WAPL: variants seen among roughly 807,000 people sequenced by gnomAD.
The protein encoded by WAPL is WAPL cohesin release factor.
Under a neutral mutation model 121.0 loss-of-function variants are expected in WAPL, and 5 were observed. The observed-to-expected ratio is 0.04, with a 90% CI of 0.02 to 0.09. The LOEUF (loss-of-function observed/expected upper bound fraction) is 0.09, where lower values mean the gene tolerates loss of function less well. Ranked by LOEUF, WAPL falls within the 10% of genes least tolerant of loss-of-function variation. The pLI is 1.00. For synonymous variants in WAPL, 480 were observed against 481.5 expected (o/e 1.00, Z 0.04); for missense variants, 999 against 1,410.8 (o/e 0.71, Z 4.68).
chr10:86,516,791 A>C (rs1190053388), intron 2 of WAPL, among the ~76,000 whole-genome samples: 1 of 152,162 alleles, frequency 6.6e-6, no homozygotes, highest in African/African-American at 2.4e-5. Context: ...TGTGGTTTAA[A>C]ATCTATCAAC....
At chr10:86,508,432 T>C (rs1303660526) in intron 2 of WAPL, among the ~76,000 whole-genome samples, 1 of 152,130 alleles carries the variant, frequency 6.6e-6, no homozygotes, top group Non-Finnish European at 1.5e-5. Context: ...CATTAAACCA[T>C]CTAGAATCCC....
In WAPL at chr10:86,450,586, C is replaced by G. The variant is rs1271945404; in HGVS notation, c.3114+1381G>C. On this transcript the variant is annotated intron_variant, in intron 15 of 18. Transcript: ENST00000298767. ...ATAAATGTTGTCAATGGGATCAAAG[C>G]GGTAGGTGCCAAACATTTTCAAATG... 2.0e-5 allele frequency among the ~76,000 whole-genome samples: 3 copies of G among 152,092 alleles called. No homozygotes were observed. In the East Asian group the frequency reaches 5.8e-4, roughly 29 times the overall value.
intron 4 of WAPL, among the ~76,000 whole-genome samples, chr10:86,486,592 T>C (rs1252284367): frequency 6.6e-6 from 1 of 152,136 alleles, no homozygotes; most frequent in African/African-American, 2.4e-5. Flanking sequence ...AAGTCCAGAA[T>C]GTTCCTTAAA....
At chr10:86,461,114 A>G (rs1043607974) in intron 10 of WAPL, 62 bp downstream of exon 10, 5 of 1,242,622 alleles carry the variant, frequency 4.0e-6, no homozygotes, top group African/African-American at 1.5e-5. Flanking sequence ...AAGTACGTCA[A>G]TGGAGTATTT....
intron 4 of WAPL, among the ~76,000 whole-genome samples, chr10:86,485,098 C>G (rs1329231559): frequency 2.0e-5 from 3 of 150,054 alleles, no homozygotes; most frequent in African/African-American, 2.5e-5. Context: ...CCCCTACCCC[C>G]CTCCTTCCCA....
At chr10:86,492,335 T>C (rs1021072058) in intron 4 of WAPL, among the ~76,000 whole-genome samples, 5 of 152,118 alleles carry the variant, frequency 3.3e-5, no homozygotes, top group Non-Finnish European at 5.9e-5. Context: ...GAGCAATAAA[T>C]GATGTAGGCA....
At chr10:86,493,524 T>C (rs1347766249) in intron 4 of WAPL, among the ~76,000 whole-genome samples, 1 of 152,016 alleles carries the variant, frequency 6.6e-6, no homozygotes, top group East Asian at 1.9e-4. Flanking sequence ...ATTTCAAATT[T>C]TCATTTATTT....
intron 4 of WAPL, among the ~76,000 whole-genome samples, chr10:86,474,529 A>AAC (rs397730624): frequency 6.6e-6 from 1 of 150,646 alleles, no homozygotes; most frequent in Non-Finnish European, 1.5e-5. Flanking sequence ...AAAAAAAAAA[A>AAC]GGTAAACCTC....
rs1372538603 is a variant in WAPL at position 86,436,715 on chromosome 10, T to C, written c.*828A>G. 1.3e-5 allele frequency: 2 copies of C among 152,654 alleles called. No homozygotes were observed. Among genetic ancestry groups the C allele is most frequent in the African/African-American group, 4.8e-5 (2 of 41,454 alleles). 9.5% of individuals were successfully genotyped at this position (152,654 alleles called of 1,614,324 possible). A position where few individuals can be genotyped will look rare whatever the true frequency, so the allele number is the denominator to read the frequency against. ...CTTTCCTCAAAATCTAATAATGTTT[T>C]AAGAGCCTCCCTAGCATTAAGTGTA... On this transcript the variant is annotated 3_prime_UTR_variant, in exon 19 of 19. Transcript: ENST00000298767.
At chr10:86,469,379 A>G (rs1204732026) in intron 8 of WAPL, among the ~76,000 whole-genome samples, 1 of 150,926 alleles carries the variant, frequency 6.6e-6, no homozygotes. Context: ...CAGCCTCCTG[A>G]GTGGCTGGGA....
rs573736711 is a variant in WAPL, at chr10:86,501,369, C to A, written c.500-626G>T. Among the ~76,000 whole-genome samples the A allele has an allele frequency of 3.3e-5, 5 of 152,292 alleles. No individual in the cohort carries two copies. In the South Asian group the frequency reaches 1.0e-3, roughly 32 times the overall value. On this transcript the variant is annotated intron_variant, in intron 2 of 18. Transcript: ENST00000298767. ...ATATCAGCCAGTAATAAATCCTCAG[C>A]CTGCCTATTCATCTGGTATGTGGAG... is the stretch of plus-strand genomic sequence containing the variant.
rs568798300 is a variant in WAPL, at chr10:86,513,228, C to G, written c.499+4343G>C. The stretch of plus-strand genomic sequence containing the variant: ...GGCCAGGCTGGTCTCGAACTCCTGA[C>G]CTCAAGCGATTCACCCGCCTCGGCC... On this transcript the variant is annotated intron_variant, in intron 2 of 18. Transcript: ENST00000298767. 1.3e-4 allele frequency among the ~76,000 whole-genome samples: 19 copies of G among 150,912 alleles called. 1 individual carries two copies. The South Asian group carries it at 2.5e-3, about 20-fold the overall frequency.
At chr10:86,453,913 C>T (rs537220607) in intron 12 of WAPL, 82 bp from the exon 13 acceptor site, 1 of 1,187,992 alleles carries the variant, frequency 8.4e-7, no homozygotes, top group South Asian at 3.1e-5. Context: ...AACCTAAAGG[C>T]TATCGGATGA....
chr10:86,457,949 T>C (rs1328391192), intron 12 of WAPL, among the ~76,000 whole-genome samples: 1 of 152,160 alleles, frequency 6.6e-6, no homozygotes, highest in Non-Finnish European at 1.5e-5. Flanking sequence ...GGAGAGGGAA[T>C]GGATGAGGTT....
rs185455357 is a variant in WAPL at position 86,446,496 on chromosome 10, A to G, written c.3115-47T>C. 112 of 1,551,748 alleles carry G rather than the reference A, an allele frequency of 7.2e-5. No individual in the cohort carries two copies. In the African/African-American group the frequency reaches 1.3e-3, roughly 18 times the overall value. ...GATCATTAAAAAGAGATTGCCAATC[A>G]ATATGCATATATGCAAATATAAAGT... On this transcript the variant is annotated intron_variant, in intron 15 of 18. Transcript: ENST00000298767.
intron 2 of WAPL, among the ~76,000 whole-genome samples, chr10:86,515,468 T>A (rs1481920711): frequency 6.6e-6 from 1 of 152,072 alleles, no homozygotes. Context: ...AGAGCTGAGT[T>A]AAAATTCATT....
intron 8 of WAPL, 121 bp from the exon 9 acceptor site, chr10:86,467,627 A>G (rs1841428529): frequency 1.4e-6 from 1 of 732,326 alleles, no homozygotes; most frequent in South Asian, 2.5e-5. Context: ...TATATTACTA[A>G]CCATGTTGGA....
At chr10:86,489,820 T>C (rs909116548) in intron 4 of WAPL, among the ~76,000 whole-genome samples, 5 of 147,828 alleles carry the variant, frequency 3.4e-5, no homozygotes, top group Non-Finnish European at 5.9e-5. Flanking sequence ...CTAATCAGAT[T>C]AGAGAGCCAG....
In WAPL at chr10:86,472,433, A is replaced by G; in HGVS notation, c.1894-89T>C. 1 of 1,525,408 alleles carries G rather than the reference A, an allele frequency of 6.6e-7. No homozygotes were observed. Among genetic ancestry groups the G allele is most frequent in the Non-Finnish European group, 8.8e-7 (1 of 1,135,964 alleles). 94.5% of individuals were successfully genotyped at this position (1,525,408 alleles called of 1,614,324 possible). A position where few individuals can be genotyped will look rare whatever the true frequency, so the allele number is the denominator to read the frequency against. On this transcript the variant is annotated intron_variant, in intron 6 of 18. Coordinates refer to ENST00000298767, the MANE Select transcript of WAPL (RefSeq NM_015045.5). This position sits in a 1 kb window ranked among gnomAD's most constrained non-coding sequence, Gnocchi z 4.2. ...TCACTGTACTTTACATAAGTGCATA[A>G]AATAGTTCATTAGATGGCAACAAAA...
Sources: gnomAD v4.1 joint callset for allele counts (sites outside exome capture counted in the v4.1 genomes callset) on GRCh38, gnomAD v4.1.1 for gene constraint, Gnocchi (gnomAD v3.1) non-coding constraint, MANE v1.5 for transcripts, NCBI Gene and HGNC (gene_info 2026-07-23, HGNC 2026-07-21) for gene names.